Variants in DEPDC5 observed in about 807,000 individuals in gnomAD.
DEPDC5 encodes the protein DEP domain containing 5, GATOR1 subcomplex subunit.
Under a neutral mutation model 217.3 loss-of-function variants are expected in DEPDC5, and 73 were observed. That is an observed-to-expected ratio of 0.34 (90% CI 0.28 to 0.41). The LOEUF (loss-of-function observed/expected upper bound fraction) is 0.41. Among genes scored for constraint, DEPDC5 ranks in the 10% least tolerant of loss-of-function variants. The pLI, the probability that DEPDC5 is intolerant of heterozygous loss-of-function variation, is 1.00. For synonymous variants in DEPDC5, 733 were observed against 756.7 expected (o/e 0.97, Z 0.51); for missense variants, 1,675 against 2,070.1 (o/e 0.81, Z 3.70).
chr22:31,873,897 A>G, intron 35 of DEPDC5: 1 of 241,660 alleles, frequency 4.1e-6, no homozygotes. Flanking sequence ...GGTTCAAGTG[A>G]TTCTCCCACC....
intron 26 of DEPDC5, chr22:31,837,378 TCTCA>T (rs1468162319): frequency 8.7e-6 from 5 of 572,138 alleles, no homozygotes; most frequent in Non-Finnish European, 1.5e-5. Flanking sequence ...TGAGAGAGGG[TCTCA>T]CTCTGTCGCT....
chr22:31,823,918 G>T (rs950983352), intron 24 of DEPDC5, among the ~76,000 whole-genome samples: 2 of 152,160 alleles, frequency 1.3e-5, no homozygotes, highest in African/African-American at 2.4e-5. Flanking sequence ...ATCAGTAGGG[G>T]CAGCATTTGT....
chr22:31,879,566 G>A lies in DEPDC5; in HGVS notation c.3847G>A (p.Val1283Met). ...QPATTWHTAGVDDFASFQRKW... is the reference protein window; with the variant it reads ...QPATTWHTAGMDDFASFQRKW... ...CGCCACCACCTGGCACACAGCAGGA[G>A]TGGACGACTTCGCCAGCTTCCAGCG... Residue 1283 changes from valine to methionine, a missense_variant, in exon 38 of 43, where the codon GTG becomes ATG. Around this residue, in one of 11 missense-constraint regions of DEPDC5, gnomAD observed 194 missense variants for 199.3 expected, o/e 0.97. Transcript: ENST00000651528. 1 of 1,612,890 alleles carries A rather than the reference G, an allele frequency of 6.2e-7. No homozygotes were observed. The highest frequency in any genetic ancestry group is 8.5e-7 in the Non-Finnish European group (1 of 1,180,034).
At chr22:31,860,084 C>T (rs186726609) in intron 32 of DEPDC5, among the ~76,000 whole-genome samples, 1 of 152,248 alleles carries the variant, frequency 6.6e-6, no homozygotes, top group Admixed American at 6.5e-5. Context: ...TGTTTAGAAC[C>T]CTCTCCTGAT....
intron 24 of DEPDC5, among the ~76,000 whole-genome samples, chr22:31,830,721 T>G (rs2090535599): frequency 6.6e-6 from 1 of 151,670 alleles, no homozygotes. Flanking sequence ...GGCCTAGGAT[T>G]CAAAGCTGCT....
intron 34 of DEPDC5, among the ~76,000 whole-genome samples, chr22:31,871,885 G>A (rs559093570): frequency 2.6e-5 from 4 of 152,236 alleles, no homozygotes; most frequent in Non-Finnish European, 5.9e-5. Flanking sequence ...GAGGTGCCAA[G>A]TTCTTTGCCA....
chr22:31,806,285 C>A, intron 18 of DEPDC5, 94 bp downstream of exon 18: 2 of 1,129,842 alleles, frequency 1.8e-6, no homozygotes, highest in Non-Finnish European at 2.6e-6. Context: ...TTTCAGCCTC[C>A]CAAAGTGTTG....
chr22:31,780,716 A>G (rs1232422351), intron 8 of DEPDC5, among the ~76,000 whole-genome samples: 1 of 152,122 alleles, frequency 6.6e-6, no homozygotes, highest in Non-Finnish European at 1.5e-5. Flanking sequence ...CCTCCATGGC[A>G]CCCTGGATCT....
At chr22:31,895,215 G>GT (rs760269659) in intron 39 of DEPDC5, among the ~76,000 whole-genome samples, 110 of 151,928 alleles carry the variant, frequency 7.2e-4, no homozygotes, top group Non-Finnish European at 1.2e-3. Context: ...TGTCTAGTGG[G>GT]TAGAGACCAG....
At position 31,901,638 on chromosome 22, in the gene DEPDC5, A is replaced by AG. The variant is rs945994148; in HGVS notation, c.4376-100dup. ...TATGGAGAAGCAGAGGTTAGGCTCA[A>AG]GGGGACTGATTGCCAAGAGTAGTAA... On this transcript the variant is annotated intron_variant, in intron 40 of 42. Transcript: ENST00000651528. The AG allele has an allele frequency of 1.2e-5, 12 of 973,320 alleles. No homozygotes were observed. The African/African-American group carries it at 1.5e-4, about 12-fold the overall frequency. The allele number at this position is 973,320 out of a possible 1,614,324, so 60.3% of individuals were successfully genotyped here. A position where few individuals can be genotyped will look rare whatever the true frequency, so the allele number is the denominator to read the frequency against.
chr22:31,795,925 T>G (rs1454274455), intron 12 of DEPDC5, among the ~76,000 whole-genome samples: 1 of 151,236 alleles, frequency 6.6e-6, no homozygotes, highest in Non-Finnish European at 1.5e-5. Context: ...AGATGGGGTT[T>G]CTCCATATTG....
chr22:31,822,300 G>A (rs1204373710), intron 23 of DEPDC5, among the ~76,000 whole-genome samples: 1 of 152,190 alleles, frequency 6.6e-6, no homozygotes, highest in African/African-American at 2.4e-5. Context: ...CACCCTAGGG[G>A]ATAGATAAGG....
At chr22:31,897,335 A>G in intron 39 of DEPDC5, 147 bp from the exon 40 acceptor site, 1 of 1,046,970 alleles carries the variant, frequency 9.6e-7, no homozygotes, top group East Asian at 2.6e-5. Flanking sequence ...CCTGTCCAGG[A>G]CCAATTTGCA....
Position 31,797,616 on chromosome 22 carries a change from G to A in DEPDC5, c.784G>A (p.Glu262Lys). 1 of 1,613,526 alleles carries A rather than the reference G, an allele frequency of 6.2e-7. No homozygotes were observed. The highest frequency in any genetic ancestry group is 8.5e-7 in the Non-Finnish European group (1 of 1,179,498). Residue 262 changes from glutamate to lysine, a missense_variant, in exon 13 of 43, where the codon GAG becomes AAG. Physicochemically the swap from Glu to Lys is moderately conservative, Grantham distance 56. Around this residue, in one of 11 missense-constraint regions of DEPDC5, gnomAD observed 628 missense variants for 762.1 expected, o/e 0.82. Transcript: ENST00000651528. Reference protein sequence around the residue: ...EDFYKVVVQNERREEWTSLLV... With the variant: ...EDFYKVVVQNKRREEWTSLLV... ...TCTTTTCAGAGTGGTGGTGCAGAAT[G>A]AGAGAAGAGAAGAATGGACTTCACT...
chr22:31,765,432 GGCCTGCAC>G (rs2082728455), intron 5 of DEPDC5, among the ~76,000 whole-genome samples: 2 of 152,156 alleles, frequency 1.3e-5, no homozygotes, highest in East Asian at 3.9e-4. Context: ...TAGGATTACA[GGCCTGCAC>G]CACCGCACCC....
chr22:31,763,259 G>A (rs1241701622), intron 4 of DEPDC5, among the ~76,000 whole-genome samples: 2 of 152,094 alleles, frequency 1.3e-5, no homozygotes, highest in East Asian at 3.9e-4. Context: ...AAAGTGCTGG[G>A]ATTACAGACA....
chr22:31,851,726 G>T (rs1311985120), intron 31 of DEPDC5, among the ~76,000 whole-genome samples: 1 of 152,146 alleles, frequency 6.6e-6, no homozygotes, highest in African/African-American at 2.4e-5. Flanking sequence ...TGGTATGAGG[G>T]TCTGTCATGC....
At chr22:31,777,521 A>G (rs2083999577) in intron 7 of DEPDC5, among the ~76,000 whole-genome samples, 1 of 151,646 alleles carries the variant, frequency 6.6e-6, no homozygotes, top group Admixed American at 6.6e-5. Flanking sequence ...TGGCCTCCCA[A>G]AGTGCTGGGA....
intron 14 of DEPDC5, among the ~76,000 whole-genome samples, chr22:31,800,802 C>T (rs1206682859): frequency 7.9e-5 from 12 of 151,964 alleles, no homozygotes; most frequent in Non-Finnish European, 8.8e-5. Flanking sequence ...CATGGTGAAA[C>T]CCTGTCTCTA....
Sources: allele counts gnomAD v4.1 joint callset (sites outside exome capture counted in the v4.1 genomes callset), GRCh38; gene constraint gnomAD v4.1.1; regional missense constraint gnomAD v4.1.1; transcripts MANE v1.5; gene names NCBI Gene and HGNC (gene_info 2026-07-23, HGNC 2026-07-21).